The following SGK1 variants were observed in gnomAD, a reference collection of about 807,000 sequenced individuals.
SGK1 encodes the protein serum/glucocorticoid regulated kinase 1, also known as serine/threonine-protein kinase Sgk1.
In SGK1, 26 loss-of-function variants were observed where a neutral mutation model predicts 64.2. That is an observed-to-expected ratio of 0.40 (90% CI 0.30 to 0.56). The LOEUF (loss-of-function observed/expected upper bound fraction) is 0.56. Ranked by LOEUF, SGK1 falls within the 20% of genes least tolerant of loss-of-function variation. SGK1 has a pLI of 0.38. For missense variants in SGK1, 519 were observed against 645.6 expected, an observed-to-expected ratio of 0.80 and a Z score of 2.12; for synonymous variants, 265 against 239.7, an observed-to-expected ratio of 1.11 and a Z score of -0.98.
chr6:134,221,836 A>G lies in SGK1; in HGVS notation c.286-14405T>C, dbSNP rs181567914. Among the ~76,000 whole-genome samples, 507 of 152,026 alleles carry G rather than the reference A, an allele frequency of 3.3e-3. 3 individuals are homozygous for G. The highest frequency in any genetic ancestry group is 6.0e-3 in the Non-Finnish European group (409 of 67,960). ...CCTGGCTAATTTTTGTGTTTTTTGT[A>G]GAGACAGGGTTTCACCATGTCGGCC... is the stretch of plus-strand genomic sequence containing the variant. On this transcript the variant is annotated intron_variant, in intron 2 of 13. Coordinates refer to ENST00000367858, the MANE Select transcript of SGK1 (RefSeq NM_001143676.3).
intron 3 of SGK1, among the ~76,000 whole-genome samples, chr6:134,179,616 A>T (rs1386767936): frequency 6.6e-6 from 1 of 151,518 alleles, no homozygotes; most frequent in Non-Finnish European, 1.5e-5. Flanking sequence ...CACAGGTTGT[A>T]TAGTAATTAT....
chr6:134,207,098 C>T (rs1046189395), intron 3 of SGK1, among the ~76,000 whole-genome samples: 7 of 151,028 alleles, frequency 4.6e-5, no homozygotes, highest in South Asian at 2.1e-4. Context: ...TGGTGGCGGG[C>T]GCCTACAGTC....
chr6:134,217,745 C>G (rs1776009665), intron 2 of SGK1, among the ~76,000 whole-genome samples: 1 of 152,146 alleles, frequency 6.6e-6, no homozygotes, highest in South Asian at 2.1e-4. Flanking sequence ...AATGATTTAT[C>G]CTTCTTCAAT....
chr6:134,300,033 G>T lies in SGK1; in HGVS notation c.69+17359C>A, dbSNP rs1173893253. Among the ~76,000 whole-genome samples the T allele has an allele frequency of 2.6e-5, 4 of 152,118 alleles. No homozygotes were observed. The East Asian group carries it at 7.7e-4, about 29-fold the overall frequency. On this transcript the variant is annotated intron_variant, in intron 1 of 13. Transcript: ENST00000367858. ...TTATTGCCACTAAAAAAGGAACCTG[G>T]CTTCTAACATCATATTTGCCATTTC...
At chr6:134,301,084 A>G (rs1171746807) in intron 1 of SGK1, among the ~76,000 whole-genome samples, 1 of 152,254 alleles carries the variant, frequency 6.6e-6, no homozygotes, top group East Asian at 1.9e-4. Context: ...AAAAATAGGA[A>G]GAAAAATCAA....
intron 2 of SGK1, among the ~76,000 whole-genome samples, chr6:134,216,901 C>T (rs1270311451): frequency 6.6e-6 from 1 of 152,194 alleles, no homozygotes; most frequent in Non-Finnish European, 1.5e-5. Flanking sequence ...GGGAACAAAA[C>T]TCAACAAGGC....
At chr6:134,230,696 A>G (rs894043660) in intron 2 of SGK1, among the ~76,000 whole-genome samples, 3 of 152,188 alleles carry the variant, frequency 2.0e-5, no homozygotes, top group Non-Finnish European at 4.4e-5. Context: ...CAAAAAGCCT[A>G]ATCGTATCAT....
intron 2 of SGK1, among the ~76,000 whole-genome samples, chr6:134,238,363 C>G (rs181997953): frequency 1.2e-3 from 179 of 152,220 alleles, no homozygotes; most frequent in Non-Finnish European, 2.3e-3. Context: ...TTTTAAGAGG[C>G]CTATTAGCAT....
At position 134,317,608 on chromosome 6, in the gene SGK1, C is replaced by G. The variant is rs1777706928; in HGVS notation, c.-148G>C. 1.5e-6 allele frequency: 1 copy of G among 679,596 alleles called. No homozygotes were observed. The highest frequency in any genetic ancestry group is 2.7e-6 in the Non-Finnish European group (1 of 371,054). The allele number at this position is 679,596 out of a possible 1,614,324, so 42.1% of individuals were successfully genotyped here. On this transcript the variant is annotated 5_prime_UTR_variant, in exon 1 of 14. An upstream start codon of the reference 5' UTR is lost. Transcript: ENST00000367858. The stretch of plus-strand genomic sequence containing the variant: ...AGCGGGGCTCAGTTCTTCACTCGCG[C>G]ATTCTGCAGCACCAGCTACTGCAGC...
intron 3 of SGK1, chr6:134,174,853 T>A (rs774471206): frequency 6.8e-6 from 11 of 1,612,582 alleles, no homozygotes; most frequent in Non-Finnish European, 8.5e-6. Flanking sequence ...AAAGACCGGC[T>A]CGGCGTATGC....
intron 2 of SGK1, among the ~76,000 whole-genome samples, chr6:134,208,014 C>T (rs1264690541): frequency 6.6e-6 from 1 of 152,158 alleles, no homozygotes; most frequent in Non-Finnish European, 1.5e-5. Context: ...TGGGTTCAAG[C>T]GATTCTCCTG....
At chr6:134,197,680 G>C (rs1775614165) in intron 3 of SGK1, among the ~76,000 whole-genome samples, 1 of 151,864 alleles carries the variant, frequency 6.6e-6, no homozygotes, top group Admixed American at 6.6e-5. Context: ...ACAAAAATTA[G>C]CCAGGCATGG....
rs1582680410 is a variant in SGK1, at chr6:134,171,378, G to A, written c.1168-200C>T. 7 of 611,274 alleles carry A rather than the reference G, an allele frequency of 1.1e-5. No homozygotes were observed. In the East Asian group the frequency reaches 1.9e-4, roughly 17 times the overall value. The allele number at this position is 611,274 out of a possible 1,614,324, so 37.9% of individuals were successfully genotyped here. On this transcript the variant is annotated intron_variant, in intron 11 of 13. Coordinates refer to ENST00000367858, the MANE Select transcript of SGK1 (RefSeq NM_001143676.3). ...TGTGTTTGTGTGTGTGTGTGTGGAG[G>A]GTGAGGGGGTAGATGTTAATAAGTG...
intron 1 of SGK1, among the ~76,000 whole-genome samples, chr6:134,272,983 A>G (rs775029080): frequency 6.7e-6 from 1 of 148,252 alleles, no homozygotes; most frequent in Non-Finnish European, 1.5e-5. Context: ...TTTAATGTTG[A>G]CCATCGAAAG....
chr6:134,270,380 A>AG (rs1461552317), intron 1 of SGK1, among the ~76,000 whole-genome samples: 1 of 148,046 alleles, frequency 6.8e-6, no homozygotes, highest in African/African-American at 2.4e-5. Flanking sequence ...GAAAAAAAAA[A>AG]ATTCCAGAGG....
At chr6:134,273,911 A>C (rs569014194) in intron 1 of SGK1, among the ~76,000 whole-genome samples, 1 of 152,230 alleles carries the variant, frequency 6.6e-6, no homozygotes, top group African/African-American at 2.4e-5. Context: ...CTCCTGCCTT[A>C]GCCTTCCGAA....
At chr6:134,264,711 C>T (rs1776824593) in intron 1 of SGK1, among the ~76,000 whole-genome samples, 1 of 151,990 alleles carries the variant, frequency 6.6e-6, no homozygotes, top group African/African-American at 2.4e-5. Flanking sequence ...GGCACGATGA[C>T]AGCTCACTGC....
intron 3 of SGK1, among the ~76,000 whole-genome samples, chr6:134,191,038 A>G (rs1775501807): frequency 6.6e-6 from 1 of 152,174 alleles, no homozygotes; most frequent in African/African-American, 2.4e-5. Flanking sequence ...GACTGGGTAA[A>G]AGCATGTGGC....
At chr6:134,213,755 TTTGG>T (rs1251658200) in intron 2 of SGK1, among the ~76,000 whole-genome samples, 3 of 152,136 alleles carry the variant, frequency 2.0e-5, no homozygotes, top group African/African-American at 7.2e-5. Context: ...ACATGGGCTC[TTTGG>T]TTCTTTCTTT....
Sources: gnomAD v4.1 joint callset for allele counts (sites outside exome capture counted in the v4.1 genomes callset) on GRCh38, gnomAD v4.1.1 for gene constraint, MANE v1.5 for transcripts, NCBI Gene and HGNC (gene_info 2026-07-23, HGNC 2026-07-21) for gene names.